Variants in PLXNA1 observed in about 807,000 individuals in gnomAD.
The protein encoded by PLXNA1 is plexin-A1.
A neutral mutation model predicts 191.7 loss-of-function variants in PLXNA1; 77 were observed. The observed-to-expected ratio is 0.40, with a 90% CI of 0.33 to 0.49. The LOEUF is 0.49. PLXNA1 is among the 20% of genes least tolerant of loss of function. The pLI is 0.63. For synonymous variants in PLXNA1, 1,137 were observed against 1,156.4 expected (o/e 0.98, Z 0.34); for missense variants, 2,110 against 2,660.2 (o/e 0.79, Z 4.55).
At chr3:126,992,139 C>T (rs2078994019) in intron 3 of PLXNA1, among the ~76,000 whole-genome samples, 1 of 152,206 alleles carries the variant, frequency 6.6e-6, no homozygotes, top group Non-Finnish European at 1.5e-5. Context: ...CTAGGTGCTA[C>T]AGGGATGGCT....
chr3:126,991,867 ACCT>A (rs1340955748), intron 3 of PLXNA1, among the ~76,000 whole-genome samples: 2 of 151,630 alleles, frequency 1.3e-5, no homozygotes, highest in Admixed American at 6.6e-5. Context: ...AGGGCACTTG[ACCT>A]CCTGGGGAGG....
chr3:127,007,636 A>G (rs773095903), intron 8 of PLXNA1, among the ~76,000 whole-genome samples, 163 bp from the exon 9 acceptor site: 2 of 152,122 alleles, frequency 1.3e-5, no homozygotes, highest in African/African-American at 2.4e-5. Context: ...AGGCAGCCAC[A>G]TTCAGGTTTG....
At chr3:127,006,371 C>T (rs1459413807) in intron 8 of PLXNA1, among the ~76,000 whole-genome samples, 193 bp downstream of exon 8, 2 of 152,106 alleles carry the variant, frequency 1.3e-5, no homozygotes, top group Admixed American at 6.5e-5. Flanking sequence ...GAGCAGCTTG[C>T]AGGTAGAGGA....
rs936637159 is a variant in PLXNA1 at position 126,988,851 on chromosome 3, G to A, written c.258G>A (p.Thr86=). ...TGACACTGCTGCGGGCCCACGTCAC[G>A]GGCCCTGTGGAGGACAACGAGAAGT... The part of the protein sequence containing the change: ...GNLTLLRAHV[T]GPVEDNEKCY... The change falls in exon 2 of 32, where the codon ACG becomes ACA. Residue 86 remains threonine, a synonymous_variant. Coordinates refer to ENST00000393409, the MANE Select transcript of PLXNA1 (RefSeq NM_032242.4). 30 of 1,613,292 alleles carry A rather than the reference G, an allele frequency of 1.9e-5. No individual in the cohort carries two copies. The highest frequency in any genetic ancestry group is 1.6e-4 in the Middle Eastern group (1 of 6,084).
chr3:127,003,271 G>T, intron 3 of PLXNA1, 59 bp from the exon 4 acceptor site: 2 of 1,499,290 alleles, frequency 1.3e-6, no homozygotes, highest in East Asian at 2.4e-5. Context: ...TCTGTGGGGG[G>T]TGGGGCTGGG....
chr3:127,005,568 T>C (rs1301645688), intron 7 of PLXNA1, among the ~76,000 whole-genome samples: 1 of 152,212 alleles, frequency 6.6e-6, no homozygotes, highest in Non-Finnish European at 1.5e-5. Context: ...ACCATAATTA[T>C]TGCCATCCCT....
At chr3:126,986,147 G>C (rs1346498346) in intron 1 of PLXNA1, among the ~76,000 whole-genome samples, 1 of 152,238 alleles carries the variant, frequency 6.6e-6, no homozygotes, top group Non-Finnish European at 1.5e-5. Context: ...CCAGCCCCTG[G>C]TAATTGCAGG....
At position 127,017,506 on chromosome 3, in the gene PLXNA1, G is replaced by A; in HGVS notation, c.3358G>A (p.Gly1120Arg). The part of the protein sequence containing the change: ...ANPVRSPPEL[G>R]ERPDELGFVM... ...CCCTGTGCGCAGCCCACCAGAGCTG[G>A]GGGAGCGGCCGGATGAGCTGGGCTT... Residue 1120 changes from glycine to arginine, a missense_variant, in exon 18 of 32, where the codon GGG becomes AGG. Physicochemically the swap from Gly to Arg is moderately radical, Grantham distance 125. This residue lies in a region of PLXNA1 where 644 missense variants were observed against 714.3 expected (regional missense o/e 0.90). Transcript: ENST00000393409. 6.2e-7 allele frequency: 1 copy of A among 1,613,652 alleles called. No individual in the cohort carries two copies. Among genetic ancestry groups the A allele is most frequent in the Non-Finnish European group, 8.5e-7 (1 of 1,180,012 alleles).
rs184658470 is a variant in PLXNA1 at position 127,026,007 on chromosome 3, C to T, written c.4363-1933C>T. Among the ~76,000 whole-genome samples, 5 of 152,310 alleles carry T rather than the reference C, an allele frequency of 3.3e-5. No homozygotes were observed. In the East Asian group the frequency reaches 7.7e-4, roughly 24 times the overall value. On this transcript the variant is annotated intron_variant, in intron 23 of 31. Transcript: ENST00000393409. ...GAAGGGAGGATGGAGAAGTGCTTGTCGTAATGTCATTTATTGAACTGCCCA... is the reference window on the plus strand; with the variant it reads ...GAAGGGAGGATGGAGAAGTGCTTGTTGTAATGTCATTTATTGAACTGCCCA...
chr3:127,014,156 C>T (rs373187651), intron 11 of PLXNA1, 26 bp from the exon 12 acceptor site: 27 of 1,612,264 alleles, frequency 1.7e-5, no homozygotes, highest in East Asian at 1.1e-4. Flanking sequence ...TGGGCGGGCC[C>T]GAGCTGACCG....
chr3:127,033,841 C>A, intron 31 of PLXNA1, 81 bp from the exon 32 acceptor site: 2 of 1,246,414 alleles, frequency 1.6e-6, no homozygotes, highest in Non-Finnish European at 2.3e-6. Context: ...CTGGCACCTA[C>A]TCTGGAGGCA....
chr3:127,024,961 A>G (rs1375280412), intron 23 of PLXNA1, among the ~76,000 whole-genome samples: 23 of 152,156 alleles, frequency 1.5e-4, no homozygotes, highest in Admixed American at 1.5e-3. Flanking sequence ...AACAGAAGGT[A>G]CAGAGGTTTC....
intron 1 of PLXNA1, among the ~76,000 whole-genome samples, chr3:126,984,153 C>G (rs911316352): frequency 1.6e-4 from 24 of 152,128 alleles, no homozygotes; most frequent in Non-Finnish European, 5.9e-5. Flanking sequence ...AGTGGGGACT[C>G]CAGGGAGGCC....
At chr3:127,033,450 C>T (rs2079222864) in intron 31 of PLXNA1, among the ~76,000 whole-genome samples, 1 of 152,180 alleles carries the variant, frequency 6.6e-6, no homozygotes, top group African/African-American at 2.4e-5. Flanking sequence ...GAACCTTCCC[C>T]AGGGTGCCAC....
intron 28 of PLXNA1, 61 bp from the exon 29 acceptor site, chr3:127,030,182 C>A (rs965341749): frequency 7.5e-6 from 12 of 1,595,586 alleles, no homozygotes; most frequent in South Asian, 1.1e-5. Flanking sequence ...CCTAGTCACC[C>A]AGGAGGTGTA....
At chr3:127,016,733 G>C (rs370065893) in intron 16 of PLXNA1, 49 bp downstream of exon 16, 11 of 1,599,600 alleles carry the variant, frequency 6.9e-6, no homozygotes, top group Non-Finnish European at 9.4e-6. Context: ...TGAGAGCAGC[G>C]CTGAGCCAGG....
In PLXNA1 at chr3:127,017,812, T is replaced by C. The variant is rs370477687; in HGVS notation, c.3580T>C (p.Ser1194Pro). ...SRLNYTVLIG[S>P]TPCTLTVSET... ...ACTCAACTACACGGTGCTCATCGGC[T>C]CCACACCCTGTACCCTCACCGTGTC... The change falls in exon 19 of 32, where the codon TCC becomes CCC. Residue 1194 changes from serine (S) to proline (P), a missense_variant. This residue lies in a region of PLXNA1 where 644 missense variants were observed against 714.3 expected (regional missense o/e 0.90). Coordinates refer to ENST00000393409, the MANE Select transcript of PLXNA1 (RefSeq NM_032242.4). The C allele has an allele frequency of 6.2e-7, 1 of 1,613,032 alleles. No individual in the cohort carries two copies. Among genetic ancestry groups the C allele is most frequent in the South Asian group, 1.1e-5 (1 of 91,058 alleles).
In PLXNA1 at chr3:126,991,492, A is replaced by G; in HGVS notation, c.1303A>G (p.Thr435Ala). The change falls in exon 3 of 32, where the codon ACC (threonine) becomes GCC (alanine). Residue 435 changes from threonine (T) to alanine (A), a missense_variant. Thr to Ala is a moderately conservative substitution (Grantham distance 58). This residue lies in a region of PLXNA1 where 903 missense variants were observed against 1,015.7 expected (regional missense o/e 0.89). Coordinates refer to ENST00000393409, the MANE Select transcript of PLXNA1 (RefSeq NM_032242.4). The stretch of plus-strand genomic sequence containing the variant: ...GTTCGTGGACAAGGATGATGGCCTG[A>G]CCGCCGTGGCTGCCTATGACTATCG... ...PLFVDKDDGL[T>A]AVAAYDYRGR... 1 of 1,612,406 alleles carries G rather than the reference A, an allele frequency of 6.2e-7. No individual in the cohort carries two copies. The highest frequency in any genetic ancestry group is 8.5e-7 in the Non-Finnish European group (1 of 1,179,660).
At chr3:126,998,261 G>A (rs1243369355) in intron 3 of PLXNA1, among the ~76,000 whole-genome samples, 1 of 152,214 alleles carries the variant, frequency 6.6e-6, no homozygotes, top group African/African-American at 2.4e-5. Flanking sequence ...AGCTGGATGG[G>A]GGGTAGGTGC....
Sources: allele counts gnomAD v4.1 joint callset (sites outside exome capture counted in the v4.1 genomes callset), GRCh38; gene constraint gnomAD v4.1.1; regional missense constraint gnomAD v4.1.1; transcripts MANE v1.5; gene names NCBI Gene and HGNC (gene_info 2026-07-23, HGNC 2026-07-21).